The following C1S variants were observed in gnomAD, a reference collection of about 807,000 sequenced individuals.
The protein encoded by C1S is complement C1s.
C1S carries 31 observed loss-of-function variants against 54.0 expected under a neutral mutation model. The observed-to-expected ratio is 0.57, with a 90% CI of 0.43 to 0.78. The LOEUF (loss-of-function observed/expected upper bound fraction) is 0.78, where lower values mean the gene tolerates loss of function less well. Ranked by LOEUF, C1S falls within the 30% of genes least tolerant of loss-of-function variation. The pLI is 0.00. For synonymous variants in C1S, 292 were observed against 303.6 expected (o/e 0.96, Z 0.40); for missense variants, 727 against 851.8 (o/e 0.85, Z 1.82).
At chr12:7,063,730 T>C (rs782764251) in intron 4 of C1S, among the ~76,000 whole-genome samples, 3 of 152,132 alleles carry the variant, frequency 2.0e-5, no homozygotes, top group Non-Finnish European at 2.9e-5. Flanking sequence ...TCTCTGACAT[T>C]AAGAGCTGCC....
In C1S at chr12:7,062,565, T is replaced by G; in HGVS notation, c.96T>G (p.Tyr32Ter). ...EILSPNYPQA[Y>*]PSEVEKSWDI... ...TGTCCCCTAACTATCCTCAGGCATA[T>G]CCCAGTGAGGTAGAGAAATCTTGGG... Residue 32 changes from tyrosine (Y) to a stop codon, truncating the protein, a stop_gained, in exon 3 of 12, where the codon TAT becomes TAG. Transcript: ENST00000360817. LOFTEE classifies it high-confidence loss of function. The G allele has an allele frequency of 6.2e-7, 1 of 1,614,020 alleles. No individual in the cohort carries two copies. The highest frequency in any genetic ancestry group is 8.5e-7 in the Non-Finnish European group (1 of 1,179,936).
chr12:7,063,493 G>T, intron 4 of C1S: 1 of 372,796 alleles, frequency 2.7e-6, no homozygotes, highest in Non-Finnish European at 5.5e-6. Context: ...TCAATATATG[G>T]CATTCAAACC....
chr12:7,063,766 T>C (rs1947131390), intron 4 of C1S: 3 of 353,006 alleles, frequency 8.5e-6, no homozygotes, highest in Non-Finnish European at 1.7e-5. Flanking sequence ...AGCTCACACC[T>C]GTAATCCCAG....
At chr12:7,062,801 T>A (rs1947115802) in intron 3 of C1S, 89 bp from the exon 4 acceptor site, 4 of 1,528,968 alleles carry the variant, frequency 2.6e-6, no homozygotes, top group Non-Finnish European at 2.7e-6. Flanking sequence ...CCTAGTGGCA[T>A]AAATGTTCTA....
At chr12:7,069,706 G>T in intron 11 of C1S, 149 bp from the exon 12 acceptor site, 1 of 759,264 alleles carries the variant, frequency 1.3e-6, no homozygotes, top group East Asian at 2.5e-5. Context: ...AGTGGGTCAG[G>T]TATTGAGATT....
At chr12:7,061,754 G>A in intron 1 of C1S, 85 bp from the exon 2 acceptor site, 1 of 746,932 alleles carries the variant, frequency 1.3e-6, no homozygotes, top group South Asian at 1.5e-5. Flanking sequence ...CTTTGAAGGT[G>A]ACACTGAGCC....
chr12:7,062,335 T>C, intron 2 of C1S, 140 bp from the exon 3 acceptor site: 2 of 721,296 alleles, frequency 2.8e-6, no homozygotes, highest in Admixed American at 4.1e-5. Context: ...GCCTTTTCTT[T>C]ATTCCGACCT....
intron 4 of C1S, chr12:7,063,897 T>C (rs1300499886): frequency 4.8e-6 from 2 of 420,794 alleles, no homozygotes; most frequent in Non-Finnish European, 9.5e-6. Context: ...ATAGTGGTGG[T>C]GCGTGCTTGT....
In C1S at chr12:7,070,432, G is replaced by C; in HGVS notation, c.1848G>C (p.Met616Ile). 1 of 1,614,228 alleles carries C rather than the reference G, an allele frequency of 6.2e-7. No individual in the cohort carries two copies. The highest frequency in any genetic ancestry group is 8.5e-7 in the Non-Finnish European group (1 of 1,180,038). Residue 616 changes from methionine (M) to isoleucine (I), a missense_variant, in exon 12 of 12, where the codon ATG (methionine) becomes ATC (isoleucine). Coordinates refer to ENST00000360817, the MANE Select transcript of C1S (RefSeq NM_001734.5). This position sits in a 1 kb window ranked among gnomAD's most constrained non-coding sequence, Gnocchi z 4.9. Reference protein sequence around the residue: ...DAEAYVFTPNMICAGGEKGMD... With the variant: ...DAEAYVFTPNIICAGGEKGMD... ...AGGCCTATGTTTTCACTCCTAACAT[G>C]ATCTGTGCTGGAGGAGAGAAGGGCA...
intron 7 of C1S, 25 bp downstream of exon 7, chr12:7,065,995 T>C: frequency 6.2e-7 from 1 of 1,608,270 alleles, no homozygotes; most frequent in Non-Finnish European, 8.5e-7. Flanking sequence ...AGTGCCTCTT[T>C]GGTTGGTGAT....
chr12:7,070,738 ACT>A lies in C1S; in HGVS notation c.*88_*89del. 3 of 1,127,134 alleles carry A rather than the reference ACT, an allele frequency of 2.7e-6. No individual in the cohort carries two copies. The highest frequency in any genetic ancestry group is 4.0e-6 in the Non-Finnish European group (3 of 743,144). 69.8% of individuals were successfully genotyped at this position (1,127,134 alleles called of 1,614,324 possible). On this transcript the variant is annotated 3_prime_UTR_variant, in exon 12 of 12. Coordinates refer to ENST00000360817, the MANE Select transcript of C1S (RefSeq NM_001734.5). This position sits in a 1 kb window ranked among gnomAD's most constrained non-coding sequence, Gnocchi z 4.9. ...ATGATATTCTCATTATTTCATCATG[ACT>A]GAAAGAAGACACGAGCGAATGATTT...
rs782012045 is a variant in C1S, at chr12:7,063,063, C to T, written c.387C>T (p.Ala129=). 1.9e-6 allele frequency: 3 copies of T among 1,612,638 alleles called. No homozygotes were observed. Among genetic ancestry groups the T allele is most frequent in the East Asian group, 2.2e-5 (1 of 44,872 alleles). The change falls in exon 4 of 12, where the codon GCC becomes GCT. Residue 129 remains alanine, a synonymous_variant. Transcript: ENST00000360817. ...CGGGGTTTGCTGCATACTATGTTGC[C>T]ACAGGTAAGGCTCACCCTTCTGCAT... ...RFTGFAAYYV[A]TDINECTDFV...
At chr12:7,061,446 A>G (rs887219457) in intron 1 of C1S, 104 of 303,984 alleles carry the variant, frequency 3.4e-4, no homozygotes, top group African/African-American at 2.1e-3. Flanking sequence ...TCCTACATGG[A>G]TGATCATGAT....
At position 7,065,223 on chromosome 12, in the gene C1S, T is replaced by C. The variant is rs782739869; in HGVS notation, c.641T>C (p.Val214Ala). 33 of 1,614,008 alleles carry C rather than the reference T, an allele frequency of 2.0e-5. No individual in the cohort carries two copies. The change falls in exon 6 of 12, where the codon GTG becomes GCG. Residue 214 changes from valine (V) to alanine (A), a missense_variant. Physicochemically the swap from Val to Ala is moderately conservative, Grantham distance 64. Transcript: ENST00000360817. ...ATCCGGTTGGAGAAAGGGTTCCAAG[T>C]GGTGGTGACCTTGCGGAGAGAAGAT... Reference protein sequence around the residue: ...YQIRLEKGFQVVVTLRREDFD... With the variant: ...YQIRLEKGFQAVVTLRREDFD...
chr12:7,065,380 G>A (rs782745441), intron 6 of C1S, 81 bp downstream of exon 6: 12 of 1,007,674 alleles, frequency 1.2e-5, no homozygotes, highest in Non-Finnish European at 1.9e-5. Context: ...TTTTCATACA[G>A]CATCTTTCTC....
At chr12:7,067,600 A>G in intron 9 of C1S, 43 bp from the exon 10 acceptor site, 4 of 1,611,404 alleles carry the variant, frequency 2.5e-6, no homozygotes, top group Non-Finnish European at 3.4e-6. Context: ...TCCTTGGAGG[A>G]AGTGGCTGTC....
rs1185570965 is a variant in C1S, at chr12:7,062,632, A to G, written c.163A>G (p.Thr55Ala). The change falls in exon 3 of 12, where the codon ACC becomes GCC. Residue 55 changes from threonine to alanine, a missense_variant. Physicochemically the swap from Thr to Ala is moderately conservative, Grantham distance 58. Transcript: ENST00000360817. ...AGGGTATGGGATTCACCTCTACTTC[A>G]CCCATCTGGACATTGAGCTGTCAGA... ...PEGYGIHLYF[T>A]HLDIELSENC... The G allele has an allele frequency of 2.5e-6, 4 of 1,613,984 alleles. No individual in the cohort carries two copies. In the African/African-American group the frequency reaches 4.0e-5, roughly 16 times the overall value.
In C1S at chr12:7,065,889, A is replaced by G; in HGVS notation, c.790A>G (p.Lys264Glu). 1 of 1,613,322 alleles carries G rather than the reference A, an allele frequency of 6.2e-7. No individual in the cohort carries two copies. The highest frequency in any genetic ancestry group is 8.5e-7 in the Non-Finnish European group (1 of 1,179,552). The change falls in exon 7 of 12, where the codon AAG becomes GAG. Residue 264 changes from lysine (K) to glutamate (E), a missense_variant. By Grantham distance (56) the Lys-to-Glu change is moderately conservative. Coordinates refer to ENST00000360817, the MANE Select transcript of C1S (RefSeq NM_001734.5). Reference protein sequence around the residue: ...GFPGPLNIETKSNALDIIFQT... With the variant: ...GFPGPLNIETESNALDIIFQT... ...CCCTGGGCCTCTAAATATTGAAACC[A>G]AGAGTAATGCTCTTGATATCATCTT...
At position 7,070,178 on chromosome 12, in the gene C1S, C is replaced by T. The variant is rs782549031; in HGVS notation, c.1594C>T (p.Leu532=). ...GRTNFDNDIA[L]VRLKDPVKMG... is the part of the protein sequence containing the mutation. Reference sequence around the variant, plus strand: ...AACCAATTTTGATAATGACATTGCACTGGTGCGGCTGAAAGACCCAGTGAA... The same window carrying T: ...AACCAATTTTGATAATGACATTGCATTGGTGCGGCTGAAAGACCCAGTGAA... The change falls in exon 12 of 12, where the codon CTG becomes TTG. Residue 532 remains leucine, a synonymous_variant. Coordinates refer to ENST00000360817, the MANE Select transcript of C1S (RefSeq NM_001734.5). This position sits in a 1 kb window ranked among gnomAD's most constrained non-coding sequence, Gnocchi z 4.9. 1 of 1,614,210 alleles carries T rather than the reference C, an allele frequency of 6.2e-7. No individual in the cohort carries two copies. Among genetic ancestry groups the T allele is most frequent in the Non-Finnish European group, 8.5e-7 (1 of 1,180,030 alleles).
Sources: allele counts gnomAD v4.1 joint callset (sites outside exome capture counted in the v4.1 genomes callset), GRCh38; gene constraint gnomAD v4.1.1; non-coding constraint Gnocchi (gnomAD v3.1); transcripts MANE v1.5; gene names NCBI Gene and HGNC (gene_info 2026-07-23, HGNC 2026-07-21).